CCDC148: variants seen among roughly 807,000 people sequenced by gnomAD.
CCDC148 encodes the protein coiled-coil domain containing 148, also known as coiled-coil domain-containing protein 148.
CCDC148 carries 89 observed loss-of-function variants against 85.7 expected under a neutral mutation model. The observed-to-expected ratio is 1.04, with a 90% CI of 0.87 to 1.24. The LOEUF (loss-of-function observed/expected upper bound fraction) is 1.24. Ranked by LOEUF, CCDC148 falls within the 50% of genes most tolerant of loss-of-function variation. The pLI, the probability that CCDC148 is intolerant of heterozygous loss-of-function variation, is 0.00. For missense variants in CCDC148, 692 were observed against 671.7 expected, an observed-to-expected ratio of 1.03 and a Z score of -0.33; for synonymous variants, 230 against 213.9, an observed-to-expected ratio of 1.08 and a Z score of -0.66.
At chr2:158,334,082 TTGA>T (rs1693295020) in intron 7 of CCDC148, among the ~76,000 whole-genome samples, 2 of 152,166 alleles carry the variant, frequency 1.3e-5, no homozygotes, top group South Asian at 4.1e-4. Flanking sequence ...CAGTGAGAAC[TTGA>T]TATAGCTCCT....
At chr2:158,232,831 G>C (rs1346026955) in intron 10 of CCDC148, among the ~76,000 whole-genome samples, 2 of 152,102 alleles carry the variant, frequency 1.3e-5, no homozygotes, top group African/African-American at 2.4e-5. Context: ...TTTTAAGGTA[G>C]AGAGTAGAAT....
chr2:158,384,255 A>G lies in CCDC148; in HGVS notation c.26-25685T>C, dbSNP rs546627782. Among the ~76,000 whole-genome samples the G allele has an allele frequency of 3.7e-4, 57 of 152,298 alleles. 1 individual carries two copies. The highest frequency in any genetic ancestry group is 1.5e-3 in the South Asian group (7 of 4,826). On this transcript the variant is annotated intron_variant, in intron 1 of 13. Transcript: ENST00000283233. Reference sequence around the variant, plus strand: ...TGTGGAGAGGTACTTTGAAAGTGATAAAGTTTAATTTCTCGTTAAATATGT... The same window carrying G: ...TGTGGAGAGGTACTTTGAAAGTGATGAAGTTTAATTTCTCGTTAAATATGT...
chr2:158,276,119 T>C (rs531642942), intron 9 of CCDC148, among the ~76,000 whole-genome samples: 9 of 152,186 alleles, frequency 5.9e-5, no homozygotes, highest in African/African-American at 9.7e-5. Flanking sequence ...GATGAGACAC[T>C]GGGAGTTTAC....
intron 9 of CCDC148, among the ~76,000 whole-genome samples, chr2:158,275,841 G>A (rs1689915589): frequency 6.6e-6 from 1 of 151,968 alleles, no homozygotes; most frequent in African/African-American, 2.4e-5. Flanking sequence ...CTCTTACAAT[G>A]GAAGTTCCAG....
intron 7 of CCDC148, 37 bp from the exon 8 acceptor site, chr2:158,313,931 C>G (rs769570891): frequency 1.3e-6 from 2 of 1,586,222 alleles, no homozygotes; most frequent in Non-Finnish European, 8.6e-7. Flanking sequence ...TATTATTGAG[C>G]AATCATGAAA....
At chr2:158,173,023 G>A (rs374354643) in intron 13 of CCDC148, among the ~76,000 whole-genome samples, 1 of 152,006 alleles carries the variant, frequency 6.6e-6, no homozygotes, top group Non-Finnish European at 1.5e-5. Flanking sequence ...GCTCTTAGGC[G>A]AACTGGGGCA....
At chr2:158,201,672 A>G (rs898388752) in intron 11 of CCDC148, among the ~76,000 whole-genome samples, 1 of 152,116 alleles carries the variant, frequency 6.6e-6, no homozygotes, top group Admixed American at 6.6e-5. Context: ...TCGGCTTCCT[A>G]AAGTGCTGGG....
chr2:158,448,575 C>T (rs1688259019), intron 1 of CCDC148, among the ~76,000 whole-genome samples: 1 of 152,012 alleles, frequency 6.6e-6, no homozygotes, highest in Non-Finnish European at 1.5e-5. Flanking sequence ...AACTCCTGAG[C>T]TCAAGCAATC....
chr2:158,455,547 C>A (rs1163375963), intron 1 of CCDC148, among the ~76,000 whole-genome samples: 1 of 152,206 alleles, frequency 6.6e-6, no homozygotes, highest in Non-Finnish European at 1.5e-5. Context: ...ACACATTAAC[C>A]TGTTTCTCCC....
chr2:158,411,494 T>G (rs1335304443), intron 1 of CCDC148, among the ~76,000 whole-genome samples: 2 of 152,094 alleles, frequency 1.3e-5, no homozygotes, highest in African/African-American at 4.8e-5. Flanking sequence ...TTGCATTTCA[T>G]TCATTACATT....
chr2:158,286,818 T>TA (rs969304230), intron 9 of CCDC148, among the ~76,000 whole-genome samples: 2 of 151,594 alleles, frequency 1.3e-5, no homozygotes, highest in African/African-American at 2.4e-5. Flanking sequence ...CTCATACCAT[T>TA]AAAAAAAACA....
rs999549822 is a variant in CCDC148 at position 158,354,556 on chromosome 2, G to C, written c.147+3893C>G. 2.6e-5 allele frequency among the ~76,000 whole-genome samples: 4 copies of C among 152,104 alleles called. No individual in the cohort carries two copies. In the South Asian group the frequency reaches 8.3e-4, roughly 32 times the overall value. ...GAAGTTGAATCTCTGAATAGACCAAGAACAGGATCTGAAATTGTAGCAATA... is the reference window on the plus strand; with the variant it reads ...GAAGTTGAATCTCTGAATAGACCAACAACAGGATCTGAAATTGTAGCAATA... On this transcript the variant is annotated intron_variant, in intron 2 of 13. Coordinates refer to ENST00000283233, the MANE Select transcript of CCDC148 (RefSeq NM_138803.4).
At chr2:158,347,003 G>A (rs555430858) in intron 2 of CCDC148, among the ~76,000 whole-genome samples, 1 of 152,106 alleles carries the variant, frequency 6.6e-6, no homozygotes, top group African/African-American at 2.4e-5. Flanking sequence ...AGGAAAGTAC[G>A]TTTTTAAAAG....
intron 1 of CCDC148, among the ~76,000 whole-genome samples, chr2:158,399,492 A>G (rs973429452): frequency 1.8e-4 from 28 of 152,196 alleles, no homozygotes; most frequent in Non-Finnish European, 3.4e-4. Context: ...CAATAAATGT[A>G]ATCCATCACA....
intron 1 of CCDC148, among the ~76,000 whole-genome samples, chr2:158,432,417 C>T (rs1423074210): frequency 1.3e-5 from 2 of 151,978 alleles, no homozygotes; most frequent in Non-Finnish European, 2.9e-5. Context: ...GTAAAAAATA[C>T]AAGAATGGCA....
chr2:158,173,638 C>T (rs1054257031), intron 13 of CCDC148, among the ~76,000 whole-genome samples: 1 of 151,956 alleles, frequency 6.6e-6, no homozygotes, highest in Non-Finnish European at 1.5e-5. Context: ...TAGCACTTGG[C>T]AGTTGATCAG....
intron 10 of CCDC148, among the ~76,000 whole-genome samples, chr2:158,249,200 T>G (rs1430312436): frequency 6.6e-6 from 1 of 152,152 alleles, no homozygotes; most frequent in Non-Finnish European, 1.5e-5. Flanking sequence ...TCCAAATCTC[T>G]TCATATGACA....
intron 1 of CCDC148, among the ~76,000 whole-genome samples, chr2:158,382,938 TAAC>T (rs1484561749): frequency 1.3e-5 from 2 of 150,544 alleles, no homozygotes; most frequent in Admixed American, 6.6e-5. Flanking sequence ...AAAACCACAA[TAAC>T]AACAACAACA....
At chr2:158,270,606 C>G (rs1333241332) in intron 9 of CCDC148, among the ~76,000 whole-genome samples, 1 of 152,160 alleles carries the variant, frequency 6.6e-6, no homozygotes, top group Admixed American at 6.6e-5. Context: ...TGACAACTGA[C>G]ACCACTTGCC....
Sources: gnomAD v4.1 joint callset for allele counts (sites outside exome capture counted in the v4.1 genomes callset) on GRCh38, gnomAD v4.1.1 for gene constraint, MANE v1.5 for transcripts, NCBI Gene and HGNC (gene_info 2026-07-23, HGNC 2026-07-21) for gene names.